CALCRL: variants seen among roughly 807,000 people sequenced by gnomAD.
CALCRL encodes calcitonin gene-related peptide type 1 receptor.
A neutral mutation model predicts 60.4 loss-of-function variants in CALCRL; 27 were observed. That is an observed-to-expected ratio of 0.45 (90% confidence interval 0.33 to 0.62). CALCRL has a LOEUF of 0.62. CALCRL is among the 20% of genes least tolerant of loss of function. CALCRL has a pLI of 0.03. For missense variants in CALCRL, 424 were observed against 540.7 expected, an observed-to-expected ratio of 0.78 and a Z score of 2.14; for synonymous variants, 190 against 182.6, an observed-to-expected ratio of 1.04 and a Z score of -0.33.
chr2:187,402,331 A>G (rs968591398), intron 1 of CALCRL, among the ~76,000 whole-genome samples: 2 of 151,790 alleles, frequency 1.3e-5, no homozygotes, highest in Admixed American at 1.3e-4. Flanking sequence ...AAATATGAGT[A>G]ATAAAGTATT....
intron 14 of CALCRL, among the ~76,000 whole-genome samples, chr2:187,347,325 T>G (rs535012814): frequency 6.6e-6 from 1 of 151,926 alleles, no homozygotes; most frequent in East Asian, 1.9e-4. Flanking sequence ...GTTATGAATG[T>G]GTTAGCCAAA....
At chr2:187,422,785 T>C (rs1472809876) in intron 1 of CALCRL, among the ~76,000 whole-genome samples, 2 of 151,920 alleles carry the variant, frequency 1.3e-5, no homozygotes, top group East Asian at 1.9e-4. Context: ...TCAGTACAAA[T>C]GTATTGAAGA....
chr2:187,351,904 AAATCAATTATCATACCTCTCC>A lies in CALCRL; in HGVS notation c.1165_1170+15del. The A allele has an allele frequency of 6.7e-7, 1 of 1,491,340 alleles. No individual in the cohort carries two copies. The highest frequency in any genetic ancestry group is 9.3e-7 in the Non-Finnish European group (1 of 1,077,348). 92.4% of individuals were successfully genotyped at this position (1,491,340 alleles called of 1,614,324 possible). ...CAAATATAAAATAATAGAAGGAATA[AAATCAATTATCATACCTCTCC>A]ATTAAAGAAGCAGAAAATGGTAGAG... On this transcript the variant is annotated splice_donor_variant and splice_donor_5th_base_variant and coding_sequence_variant and intron_variant, in exon 14 of 15. Transcript: ENST00000392370. LOFTEE classifies it high-confidence loss of function.
chr2:187,346,713 T>G (rs1320727458), intron 14 of CALCRL, among the ~76,000 whole-genome samples: 1 of 151,836 alleles, frequency 6.6e-6, no homozygotes, highest in Non-Finnish European at 1.5e-5. Flanking sequence ...GGACCCCCAT[T>G]TACAAGATTT....
chr2:187,434,540 G>A (rs1383970093), intron 1 of CALCRL, among the ~76,000 whole-genome samples: 1 of 152,122 alleles, frequency 6.6e-6, no homozygotes. Flanking sequence ...CACTGTTGGT[G>A]GGAGTATAAA....
intron 4 of CALCRL, among the ~76,000 whole-genome samples, chr2:187,383,961 CT>C (rs930646574): frequency 6.6e-6 from 1 of 150,868 alleles, no homozygotes; most frequent in African/African-American, 2.4e-5. Flanking sequence ...TTCCACGTGA[CT>C]TTTTTTCTGA....
At chr2:187,392,661 G>A (rs1053032428) in intron 1 of CALCRL, among the ~76,000 whole-genome samples, 1 of 152,100 alleles carries the variant, frequency 6.6e-6, no homozygotes, top group Non-Finnish European at 1.5e-5. Flanking sequence ...TGCTAGAATT[G>A]TTGTTGCAAG....
chr2:187,420,688 A>G (rs993821495), intron 1 of CALCRL, among the ~76,000 whole-genome samples: 1 of 152,186 alleles, frequency 6.6e-6, no homozygotes, highest in Non-Finnish European at 1.5e-5. Context: ...ATATGCATGT[A>G]AGAGATGTAC....
intron 12 of CALCRL, among the ~76,000 whole-genome samples, chr2:187,357,134 C>T (rs1233596835): frequency 6.6e-6 from 1 of 151,972 alleles, no homozygotes; most frequent in African/African-American, 2.4e-5. Context: ...ACCATTTGAC[C>T]CAGCAATCCC....
chr2:187,426,531 C>G (rs1690138212), intron 1 of CALCRL, among the ~76,000 whole-genome samples: 2 of 151,994 alleles, frequency 1.3e-5, no homozygotes, highest in South Asian at 4.1e-4. Context: ...AAGCACGAAT[C>G]TATACATTAC....
At chr2:187,444,759 T>C (rs1691091586) in intron 1 of CALCRL, among the ~76,000 whole-genome samples, 1 of 151,618 alleles carries the variant, frequency 6.6e-6, no homozygotes, top group African/African-American at 2.4e-5. Flanking sequence ...TTGAATACAT[T>C]TCTTCTCTTT....
At chr2:187,349,643 T>G (rs570272085) in intron 14 of CALCRL, among the ~76,000 whole-genome samples, 2 of 151,764 alleles carry the variant, frequency 1.3e-5, no homozygotes, top group African/African-American at 4.8e-5. Context: ...ACTGAAAGAT[T>G]TGGGAACAAC....
intron 1 of CALCRL, among the ~76,000 whole-genome samples, chr2:187,446,218 C>T (rs890041192): frequency 2.6e-5 from 4 of 151,588 alleles, no homozygotes; most frequent in African/African-American, 9.7e-5. Context: ...AAAGTAAATT[C>T]ATTTCTTTAT....
intron 1 of CALCRL, among the ~76,000 whole-genome samples, chr2:187,393,604 G>A (rs759748214): frequency 1.3e-5 from 2 of 151,874 alleles, no homozygotes; most frequent in Non-Finnish European, 2.9e-5. Context: ...TCATCTCCGG[G>A]GCTACACACC....
Position 187,387,746 on chromosome 2 carries a change from G to A in CALCRL, c.-282C>T, listed in dbSNP as rs1242335789. 2 of 396,664 alleles carry A rather than the reference G, an allele frequency of 5.0e-6. No homozygotes were observed. The highest frequency in any genetic ancestry group is 8.9e-6 in the Non-Finnish European group (2 of 225,022). 24.6% of individuals were successfully genotyped at this position (396,664 alleles called of 1,614,324 possible). A position where few individuals can be genotyped will look rare whatever the true frequency, so the allele number is the denominator to read the frequency against. On this transcript the variant is annotated 5_prime_UTR_variant, in exon 2 of 15. Coordinates refer to ENST00000392370, the MANE Select transcript of CALCRL (RefSeq NM_005795.6). Reference sequence around the variant, plus strand: ...TGTCTTTAAGAATTTCTTAAATTCAGGGGTCAAGACCTGAAATATTGATGA... The same window carrying A: ...TGTCTTTAAGAATTTCTTAAATTCAAGGGTCAAGACCTGAAATATTGATGA...
At chr2:187,397,564 A>G (rs1688714327) in intron 1 of CALCRL, among the ~76,000 whole-genome samples, 1 of 151,710 alleles carries the variant, frequency 6.6e-6, no homozygotes, top group South Asian at 2.1e-4. Context: ...GTATAAATTT[A>G]AGGGTTATAA....
chr2:187,383,518 T>C (rs556652765), intron 4 of CALCRL, among the ~76,000 whole-genome samples: 10 of 152,296 alleles, frequency 6.6e-5, no homozygotes, highest in African/African-American at 1.9e-4. Context: ...ACCAACAAGA[T>C]GTCACCATTG....
intron 8 of CALCRL, among the ~76,000 whole-genome samples, chr2:187,369,367 A>T (rs1283528520): frequency 6.6e-6 from 1 of 152,164 alleles, no homozygotes; most frequent in Non-Finnish European, 1.5e-5. Context: ...ATTTATAATA[A>T]TAGCAGCCAC....
intron 1 of CALCRL, among the ~76,000 whole-genome samples, chr2:187,430,332 T>C (rs886484123): frequency 5.9e-5 from 9 of 152,168 alleles, no homozygotes; most frequent in Non-Finnish European, 2.9e-5. Context: ...GAAGGAGGAA[T>C]GATGTCACCC....
Sources: allele counts gnomAD v4.1 joint callset (sites outside exome capture counted in the v4.1 genomes callset), GRCh38; gene constraint gnomAD v4.1.1; transcripts MANE v1.5; gene names NCBI Gene and HGNC (gene_info 2026-07-23, HGNC 2026-07-21).